Variants in XRN1 observed in about 807,000 individuals in gnomAD.
XRN1 encodes the protein 5'-3' exoribonuclease 1.
A neutral mutation model predicts 222.3 loss-of-function variants in XRN1; 67 were observed. The ratio of observed to expected loss-of-function variants is 0.30; its 90% CI spans 0.25 to 0.37. The LOEUF (loss-of-function observed/expected upper bound fraction) is 0.37. XRN1 is among the 10% of genes least tolerant of loss of function. The pLI is 1.00. For missense variants in XRN1, 1,707 were observed against 2,000.2 expected, an observed-to-expected ratio of 0.85 and a Z score of 2.80; for synonymous variants, 643 against 652.4, an observed-to-expected ratio of 0.99 and a Z score of 0.22.
intron 30 of XRN1, among the ~76,000 whole-genome samples, chr3:142,358,069 C>CA (rs968889587): frequency 4.0e-5 from 6 of 151,796 alleles, no homozygotes; most frequent in Admixed American, 1.3e-4. Context: ...AAAACAAAAA[C>CA]AAAAACAAAA....
At chr3:142,401,944 C>T (rs13061823) in intron 18 of XRN1, among the ~76,000 whole-genome samples, 91,709 of 151,968 alleles carry the variant, frequency 0.6, 28,679 homozygotes, top group African/African-American at 0.78. Context: ...CTGCTCCATG[C>T]TTCTGTGGTA....
intron 1 of XRN1, among the ~76,000 whole-genome samples, chr3:142,438,445 A>T (rs2070026606): frequency 6.6e-6 from 1 of 152,210 alleles, no homozygotes; most frequent in Non-Finnish European, 1.5e-5. Flanking sequence ...CGATAAGCAG[A>T]GGTCCATGGG....
At chr3:142,401,986 T>G (rs1189235942) in intron 18 of XRN1, among the ~76,000 whole-genome samples, 1 of 151,170 alleles carries the variant, frequency 6.6e-6, no homozygotes, top group African/African-American at 2.5e-5. Context: ...CTTCCTAACC[T>G]CTCTGTTTCT....
chr3:142,401,298 A>G (rs2068119697), intron 18 of XRN1, among the ~76,000 whole-genome samples: 2 of 152,368 alleles, frequency 1.3e-5, no homozygotes, highest in African/African-American at 2.4e-5. Flanking sequence ...AGGAAAAGGA[A>G]TAACATCTAC....
intron 23 of XRN1, among the ~76,000 whole-genome samples, chr3:142,377,721 AAAG>A (rs1305035525): frequency 2.0e-5 from 3 of 152,194 alleles, no homozygotes. Flanking sequence ...TGTGGTAAAA[AAAG>A]AAGTCAGCTT....
At chr3:142,349,736 T>C (rs1398463233) in intron 32 of XRN1, among the ~76,000 whole-genome samples, 3 of 152,182 alleles carry the variant, frequency 2.0e-5, no homozygotes, top group Admixed American at 6.5e-5. Context: ...TTGAATTTGC[T>C]CATCAGGTTA....
chr3:142,334,803 A>ACACACACACACAC (rs57347012), intron 34 of XRN1, among the ~76,000 whole-genome samples: 5 of 134,240 alleles, frequency 3.7e-5, no homozygotes, highest in African/African-American at 1.5e-4. Flanking sequence ...CACACACACA[A>ACACACACACACAC]AAGACCATAT....
Position 142,356,903 on chromosome 3 carries a change from G to T in XRN1, c.3672+9C>A, listed in dbSNP as rs1288710027. 1.2e-6 allele frequency: 2 copies of T among 1,610,882 alleles called. No homozygotes were observed. The highest frequency in any genetic ancestry group is 1.7e-6 in the Non-Finnish European group (2 of 1,177,422). On this transcript the variant is annotated intron_variant, in intron 31 of 40. Transcript: ENST00000392981. ...GGGTAGAGGAGAAGTTAAAGACTGA[G>T]AGTCTTACTTGAGTAGGAACAAAAA...
In XRN1 at chr3:142,403,712, T is replaced by A. The variant is rs772206184; in HGVS notation, c.2065A>T (p.Met689Leu). 9 of 1,613,216 alleles carry A rather than the reference T, an allele frequency of 5.6e-6. No homozygotes were observed. Among genetic ancestry groups the A allele is most frequent in the Admixed American group, 5.0e-5 (3 of 60,000 alleles). The change falls in exon 18 of 41, where the codon ATG becomes TTG. Residue 689 changes from methionine (M) to leucine (L), a missense_variant. Met to Leu is a conservative substitution (Grantham distance 15). Transcript: ENST00000392981. ...FQQSSRGENM[M>L]LEILVDAESD... is the part of the protein sequence containing the mutation. The stretch of plus-strand genomic sequence containing the variant: ...TCTGCATCCACTAAGATTTCCAACA[T>A]CATGTTTTCTCCACGACTGCTTTGC...
chr3:142,387,090 T>C (rs1214782277), intron 20 of XRN1, among the ~76,000 whole-genome samples: 1 of 152,112 alleles, frequency 6.6e-6, no homozygotes, highest in Non-Finnish European at 1.5e-5. Flanking sequence ...CACTGTAGAA[T>C]GGAAAAATTG....
chr3:142,403,703 T>C lies in XRN1; in HGVS notation c.2074A>G (p.Ile692Val), dbSNP rs774585876. ...TCATCTGATTCTGCATCCACTAAGA[T>C]TTCCAACATCATGTTTTCTCCACGA... Reference protein sequence around the residue: ...SSRGENMMLEILVDAESDELT... With the variant: ...SSRGENMMLEVLVDAESDELT... The change falls in exon 18 of 41, where the codon ATC (isoleucine) becomes GTC (valine). Residue 692 changes from isoleucine to valine, a missense_variant. Physicochemically the swap from Ile to Val is conservative, Grantham distance 29. Around this residue, in one of 2 missense-constraint regions of XRN1, gnomAD observed 1,234 missense variants for 1,518.2 expected, o/e 0.81. Coordinates refer to ENST00000392981, the MANE Select transcript of XRN1 (RefSeq NM_001282857.2). 6.2e-7 allele frequency: 1 copy of C among 1,613,202 alleles called. No homozygotes were observed. The highest frequency in any genetic ancestry group is 1.3e-5 in the African/African-American group (1 of 74,920).
chr3:142,419,433 A>T (rs2068915310), intron 10 of XRN1, among the ~76,000 whole-genome samples: 2 of 152,186 alleles, frequency 1.3e-5, no homozygotes, highest in Non-Finnish European at 2.9e-5. Context: ...ACTAGAGAAA[A>T]CAAGGACAGT....
intron 32 of XRN1, among the ~76,000 whole-genome samples, chr3:142,349,919 T>A (rs1411853145): frequency 6.6e-6 from 1 of 152,022 alleles, no homozygotes; most frequent in Non-Finnish European, 1.5e-5. Flanking sequence ...CTCAAGGAAA[T>A]AGGAGATTTT....
intron 29 of XRN1, among the ~76,000 whole-genome samples, chr3:142,364,573 T>A (rs767239352): frequency 1.3e-5 from 2 of 152,168 alleles, no homozygotes; most frequent in Non-Finnish European, 2.9e-5. Context: ...AAGTCCAAAT[T>A]AATATACACA....
At chr3:142,393,404 C>T (rs937545106) in intron 20 of XRN1, among the ~76,000 whole-genome samples, 1 of 143,298 alleles carries the variant, frequency 7.0e-6, no homozygotes, top group East Asian at 2.0e-4. Context: ...CTTGCCCATG[C>T]CTATGTCCTG....
At position 142,325,711 on chromosome 3, in the gene XRN1, G is replaced by C. The variant is rs1017567094; in HGVS notation, c.4404+3723C>G. 1.3e-5 allele frequency among the ~76,000 whole-genome samples: 2 copies of C among 152,200 alleles called. 1 individual carries two copies. Among genetic ancestry groups the C allele is most frequent in the South Asian group, 4.1e-4 (2 of 4,828 alleles). On this transcript the variant is annotated intron_variant, in intron 37 of 40. Transcript: ENST00000392981. ...TTATGCATTTTTGCTTTAGTTGCCT[G>C]TGCTTTTGATGTCTTACTTATCTTT...
chr3:142,364,943 C>A, intron 29 of XRN1, 104 bp downstream of exon 29: 9 of 1,216,596 alleles, frequency 7.4e-6, no homozygotes, highest in South Asian at 3.6e-5. Context: ...TTGTTTGTTC[C>A]TGATTTATAG....
chr3:142,399,236 C>A (rs56223962), intron 19 of XRN1, among the ~76,000 whole-genome samples: 1 of 125,370 alleles, frequency 8.0e-6, no homozygotes. Flanking sequence ...TAAAACAATT[C>A]TGAAAAAAAA....
chr3:142,314,155 ATAACTT>A (rs1166551060), intron 39 of XRN1, among the ~76,000 whole-genome samples: 2 of 152,196 alleles, frequency 1.3e-5, no homozygotes, highest in African/African-American at 4.8e-5. Flanking sequence ...AATTTACAAA[ATAACTT>A]TAAAATGTTA....
Sources: gnomAD v4.1 joint callset for allele counts (sites outside exome capture counted in the v4.1 genomes callset) on GRCh38, gnomAD v4.1.1 for gene constraint, gnomAD v4.1.1 regional missense constraint, MANE v1.5 for transcripts, NCBI Gene and HGNC (gene_info 2026-07-23, HGNC 2026-07-21) for gene names.